MAPK10: variants seen among roughly 807,000 people sequenced by gnomAD.
MAPK10 encodes mitogen-activated protein kinase 10, also known as JNK3 alpha protein kinase.
MAPK10 carries 25 observed loss-of-function variants against 59.3 expected under a neutral mutation model. The ratio of observed to expected loss-of-function variants is 0.42; its 90% CI spans 0.31 to 0.59. The LOEUF is 0.59. Among genes scored for constraint, MAPK10 ranks in the 20% least tolerant of loss-of-function variants. The pLI is 0.15. For missense variants in MAPK10, 351 were observed against 568.9 expected (o/e 0.62, Z 3.90); for synonymous variants, 190 against 200.5 (o/e 0.95, Z 0.44).
intron 1 of MAPK10, among the ~76,000 whole-genome samples, chr4:86,430,495 G>C (rs899948655): frequency 6.6e-6 from 1 of 152,112 alleles, no homozygotes; most frequent in Admixed American, 6.5e-5. Flanking sequence ...TCCTGACAGC[G>C]CAAAGTTTAG....
chr4:86,244,392 G>A (rs886803087), intron 2 of MAPK10, among the ~76,000 whole-genome samples: 6 of 152,146 alleles, frequency 3.9e-5, no homozygotes, highest in African/African-American at 9.7e-5. Context: ...GTAAAGATAT[G>A]AAAGGTAAAG....
chr4:86,507,987 C>T (rs1755932843), intron 1 of MAPK10, among the ~76,000 whole-genome samples: 1 of 151,880 alleles, frequency 6.6e-6, no homozygotes, highest in African/African-American at 2.4e-5. Context: ...GGACTGTCAT[C>T]ACCCTTGGTA....
intron 1 of MAPK10, among the ~76,000 whole-genome samples, chr4:86,447,886 A>T (rs1750230908): frequency 6.6e-6 from 1 of 152,196 alleles, no homozygotes; most frequent in Non-Finnish European, 1.5e-5. Context: ...AGAATTCCAC[A>T]AGCATGGGGG....
intron 3 of MAPK10, among the ~76,000 whole-genome samples, chr4:86,169,448 G>T (rs1005659980): frequency 3.8e-4 from 58 of 152,298 alleles, no homozygotes; most frequent in African/African-American, 1.2e-3. Flanking sequence ...GCGATCAACT[G>T]GAAGAAAGGA....
intron 3 of MAPK10, among the ~76,000 whole-genome samples, chr4:86,187,139 G>T (rs928272557): frequency 6.7e-6 from 1 of 149,850 alleles, no homozygotes; most frequent in Non-Finnish European, 1.5e-5. Flanking sequence ...TATATTCAGA[G>T]AATACATTTT....
chr4:86,179,166 C>T (rs140666779), intron 3 of MAPK10, among the ~76,000 whole-genome samples: 1 of 152,020 alleles, frequency 6.6e-6, no homozygotes, highest in Non-Finnish European at 1.5e-5. Flanking sequence ...CGTACCACTG[C>T]ACTCCAGCCT....
chr4:86,288,191 T>C (rs1416338373), intron 2 of MAPK10, among the ~76,000 whole-genome samples: 1 of 152,060 alleles, frequency 6.6e-6, no homozygotes, highest in African/African-American at 2.4e-5. Context: ...ATTATTATTA[T>C]ACTTTAAGTT....
At chr4:86,418,514 A>G (rs954866801) in intron 1 of MAPK10, among the ~76,000 whole-genome samples, 1 of 152,246 alleles carries the variant, frequency 6.6e-6, no homozygotes, top group African/African-American at 2.4e-5. Flanking sequence ...TTATAAGCTA[A>G]AATTAGCAAC....
In MAPK10 at chr4:86,103,075, C is replaced by G. The variant is rs151177455; in HGVS notation, c.425+111G>C. ...TTGAGCAGTATAAGGGATTTCAACT[C>G]TGTGTGTGTGTGTGTGTGTGTGTGT... On this transcript the variant is annotated intron_variant, in intron 6 of 13. Transcript: ENST00000641462. 714 of 498,794 alleles carry G rather than the reference C, an allele frequency of 1.4e-3. 13 individuals carry two copies. The East Asian group carries it at 0.026, about 18-fold the overall frequency. 30.9% of individuals were successfully genotyped at this position (498,794 alleles called of 1,614,324 possible).
chr4:86,177,209 G>A (rs1235313562), intron 3 of MAPK10, among the ~76,000 whole-genome samples: 1 of 151,994 alleles, frequency 6.6e-6, no homozygotes, highest in Non-Finnish European at 1.5e-5. Context: ...TGTGTATCAG[G>A]TGAAGACTCT....
chr4:86,241,716 T>G (rs1027179697), intron 2 of MAPK10, among the ~76,000 whole-genome samples: 1 of 152,152 alleles, frequency 6.6e-6, no homozygotes, highest in Non-Finnish European at 1.5e-5. Context: ...TTATTCTAAT[T>G]AGCAATTCCT....
chr4:86,419,847 T>G (rs374121974), intron 1 of MAPK10, among the ~76,000 whole-genome samples: 19 of 152,310 alleles, frequency 1.2e-4, no homozygotes, highest in East Asian at 9.7e-4. Context: ...AAGTGGCATT[T>G]GAATTTTTGA....
At chr4:86,023,554 T>A (rs1560628204) in intron 13 of MAPK10, among the ~76,000 whole-genome samples, 1 of 152,080 alleles carries the variant, frequency 6.6e-6, no homozygotes, top group Admixed American at 6.5e-5. Context: ...TATTAAATAT[T>A]CTAATCCATG....
intron 2 of MAPK10, among the ~76,000 whole-genome samples, 185 bp downstream of exon 2, chr4:86,354,345 G>A (rs1402603726): frequency 6.6e-6 from 1 of 152,060 alleles, no homozygotes; most frequent in East Asian, 1.9e-4. Flanking sequence ...TTTCACTACT[G>A]TATGTGGTAT....
intron 2 of MAPK10, among the ~76,000 whole-genome samples, chr4:86,195,783 T>A (rs1209932938): frequency 1.3e-5 from 2 of 152,140 alleles, no homozygotes; most frequent in African/African-American, 2.4e-5. Flanking sequence ...TGTGTTCTCA[T>A]TGTTCAGCTC....
chr4:86,575,528 TTTATCAGGTTGAG>T (rs1761817999), intron 1 of MAPK10, among the ~76,000 whole-genome samples: 3 of 152,038 alleles, frequency 2.0e-5, no homozygotes, highest in African/African-American at 7.2e-5. Context: ...GTAGATATCC[TTTATCAGGTTGAG>T]GACGTTATCT....
chr4:86,223,092 T>G (rs997725338), intron 2 of MAPK10, among the ~76,000 whole-genome samples: 2 of 152,260 alleles, frequency 1.3e-5, no homozygotes, highest in African/African-American at 4.8e-5. Flanking sequence ...TTAAGCCTTG[T>G]GGATTCTGGA....
intron 1 of MAPK10, among the ~76,000 whole-genome samples, chr4:86,472,290 T>A (rs1752720117): frequency 6.6e-6 from 1 of 152,202 alleles, no homozygotes; most frequent in African/African-American, 2.4e-5. Flanking sequence ...GTAAGAGCAA[T>A]TCTAAGTGGT....
intron 4 of MAPK10, among the ~76,000 whole-genome samples, chr4:86,128,657 A>G (rs1412743042): frequency 6.6e-6 from 1 of 152,156 alleles, no homozygotes; most frequent in African/African-American, 2.4e-5. Context: ...ATGGATTAAT[A>G]CAATTATAAT....
Sources: allele counts gnomAD v4.1 joint callset (sites outside exome capture counted in the v4.1 genomes callset), GRCh38; gene constraint gnomAD v4.1.1; transcripts MANE v1.5; gene names NCBI Gene and HGNC (gene_info 2026-07-23, HGNC 2026-07-21).